NPR3: variants seen among roughly 807,000 people sequenced by gnomAD.
NPR3 encodes natriuretic peptide receptor 3.
NPR3 carries 34 observed loss-of-function variants against 54.5 expected under a neutral mutation model. The ratio of observed to expected loss-of-function variants is 0.62; its 90% CI spans 0.47 to 0.83. The LOEUF (loss-of-function observed/expected upper bound fraction) is 0.83. NPR3 is among the 40% of genes least tolerant of loss of function. The pLI is 0.00. For missense variants in NPR3, 674 were observed against 720.8 expected (o/e 0.94, Z 0.74); for synonymous variants, 289 against 297.1 (o/e 0.97, Z 0.28).
At chr5:32,779,536 T>C (rs936595678) in intron 4 of NPR3, among the ~76,000 whole-genome samples, 3 of 152,226 alleles carry the variant, frequency 2.0e-5, no homozygotes, top group African/African-American at 7.2e-5. Flanking sequence ...ACATGGGCCA[T>C]CTTCCCAGAA....
chr5:32,698,585 C>T (rs951051818), intron 1 of NPR3, among the ~76,000 whole-genome samples: 4 of 152,048 alleles, frequency 2.6e-5, no homozygotes, highest in African/African-American at 9.7e-5. Flanking sequence ...TTGAAGTCTC[C>T]ACCTATTATT....
intron 3 of NPR3, among the ~76,000 whole-genome samples, chr5:32,749,718 T>A (rs115766530): frequency 1.7e-3 from 257 of 152,310 alleles, no homozygotes; most frequent in African/African-American, 6.1e-3. Context: ...GCAGACTTAT[T>A]ACTTAAACCC....
intron 1 of NPR3, among the ~76,000 whole-genome samples, chr5:32,718,505 T>C (rs1464645130): frequency 6.6e-6 from 1 of 152,172 alleles, no homozygotes; most frequent in Non-Finnish European, 1.5e-5. Context: ...TTGTGTCCTA[T>C]TTTATTTTAT....
intron 3 of NPR3, among the ~76,000 whole-genome samples, chr5:32,761,082 T>C (rs963897787): frequency 4.6e-5 from 7 of 152,188 alleles, no homozygotes; most frequent in African/African-American, 1.7e-4. Flanking sequence ...GTAGCAAATA[T>C]TCAAATCTGG....
chr5:32,742,111 T>C (rs190189389), intron 3 of NPR3, among the ~76,000 whole-genome samples: 21 of 152,056 alleles, frequency 1.4e-4, no homozygotes, highest in African/African-American at 5.1e-4. Flanking sequence ...TTATTTGTGC[T>C]AATGAGTTGT....
At chr5:32,747,653 ACC>A (rs1229790918) in intron 3 of NPR3, among the ~76,000 whole-genome samples, 6 of 151,644 alleles carry the variant, frequency 4.0e-5, no homozygotes, top group African/African-American at 7.3e-5. Flanking sequence ...CTCCAATACC[ACC>A]TGGAAATGTC....
At chr5:32,745,612 CATG>C (rs1740256455) in intron 3 of NPR3, among the ~76,000 whole-genome samples, 1 of 152,208 alleles carries the variant, frequency 6.6e-6, no homozygotes, top group Admixed American at 6.5e-5. Flanking sequence ...GGGGCAAACC[CATG>C]ACCTGAAGAT....
chr5:32,713,435 G>C (rs762650369), intron 1 of NPR3: 16 of 985,438 alleles, frequency 1.6e-5, no homozygotes, highest in Non-Finnish European at 1.9e-5. Flanking sequence ...CCCATTTTAC[G>C]GTAGGGTAGA....
rs1561141516 is a variant in NPR3 at position 32,789,715 on chromosome 5, G to A, written c.*3370G>A. On this transcript the variant is annotated 3_prime_UTR_variant, in exon 8 of 8. Coordinates refer to ENST00000265074, the MANE Select transcript of NPR3 (RefSeq NM_001204375.2). ...TTCCTTTTAGTTATGGCTGATTTTG[G>A]GTGTGTGTGTGTAAGACATGCAGTC... 1.9e-6 allele frequency: 1 copy of A among 532,738 alleles called. No homozygotes were observed. Among genetic ancestry groups the A allele is most frequent in the Admixed American group, 1.9e-5 (1 of 51,382 alleles). The allele number at this position is 532,738 out of a possible 1,614,324, so 33.0% of individuals were successfully genotyped here. A position where few individuals can be genotyped will look rare whatever the true frequency, so the allele number is the denominator to read the frequency against.
chr5:32,779,742 T>C (rs975082032), intron 4 of NPR3, among the ~76,000 whole-genome samples: 5 of 152,170 alleles, frequency 3.3e-5, no homozygotes, highest in African/African-American at 9.7e-5. Context: ...CTCCTCTGAG[T>C]GATGTGGGTA....
intron 3 of NPR3, among the ~76,000 whole-genome samples, chr5:32,770,966 A>C (rs142900090): frequency 6.6e-6 from 1 of 152,298 alleles, no homozygotes; most frequent in Non-Finnish European, 1.5e-5. Flanking sequence ...TGTTCTGTCC[A>C]GAGGCAGGGG....
chr5:32,753,624 C>CT (rs70961660), intron 3 of NPR3, among the ~76,000 whole-genome samples: 6,909 of 102,696 alleles, frequency 0.067, 520 homozygotes, highest in Non-Finnish European at 0.088. Flanking sequence ...TCTCAGCATC[C>CT]TTTTTTTTTT....
rs117720646 is a variant in NPR3, at chr5:32,695,445, C to T, written c.100+6259C>T. ...ACGCCCGCCCGGCTAATTTTTTGTACTTTTAGTAGAGACGGAGTTTCACGG... is the reference window on the plus strand; with the variant it reads ...ACGCCCGCCCGGCTAATTTTTTGTATTTTTAGTAGAGACGGAGTTTCACGG... On this transcript the variant is annotated intron_variant, in intron 1 of 5. Transcript: ENST00000509104. Among the ~76,000 whole-genome samples the T allele has an allele frequency of 2.6e-3, 398 of 152,090 alleles. 12 individuals carry two copies. The East Asian group carries it at 0.046, about 17-fold the overall frequency.
At chr5:32,730,459 T>TG (rs1739393084) in intron 2 of NPR3, among the ~76,000 whole-genome samples, 1 of 152,088 alleles carries the variant, frequency 6.6e-6, no homozygotes, top group South Asian at 2.1e-4. Context: ...AATTTGCCAC[T>TG]GGGGGTTCTA....
chr5:32,747,085 A>G (rs1046622875), intron 3 of NPR3, among the ~76,000 whole-genome samples: 2 of 152,264 alleles, frequency 1.3e-5, no homozygotes, highest in East Asian at 1.9e-4. Flanking sequence ...GATAAACATG[A>G]ATCTTCTTTT....
intron 1 of NPR3, among the ~76,000 whole-genome samples, chr5:32,719,656 A>G (rs1738742489): frequency 6.6e-6 from 1 of 151,966 alleles, no homozygotes; most frequent in Non-Finnish European, 1.5e-5. Flanking sequence ...TTCTTAAGTT[A>G]TTTCTGTGAT....
intron 2 of NPR3, among the ~76,000 whole-genome samples, chr5:32,729,004 G>T (rs1431652966): frequency 1.4e-5 from 2 of 143,732 alleles, no homozygotes; most frequent in East Asian, 2.0e-4. Flanking sequence ...ATAATATTGT[G>T]TGCCTGTGTG....
intron 4 of NPR3, 77 bp from the exon 5 acceptor site, chr5:32,780,645 T>C: frequency 1.3e-6 from 1 of 786,228 alleles, no homozygotes; most frequent in South Asian, 1.3e-5. Context: ...ATCCTGCCAA[T>C]TCATTTTCTT....
At chr5:32,706,655 C>G (rs933913255), upstream of NPR3, among the ~76,000 whole-genome samples, 1 of 152,206 alleles carries the variant, frequency 6.6e-6, no homozygotes, top group African/African-American at 2.4e-5. Flanking sequence ...TTTCTGTCAT[C>G]AAACAAAGGT....
Sources: allele counts gnomAD v4.1 joint callset (sites outside exome capture counted in the v4.1 genomes callset), GRCh38; gene constraint gnomAD v4.1.1; transcripts MANE v1.5; gene names NCBI Gene and HGNC (gene_info 2026-07-23, HGNC 2026-07-21).